The following FHIT variants were observed in gnomAD, a reference collection of about 807,000 sequenced individuals.
The protein encoded by FHIT is fragile histidine triad diadenosine triphosphatase.
A neutral mutation model predicts 17.9 loss-of-function variants in FHIT; 19 were observed. The observed-to-expected ratio is 1.06, with a 90% CI of 0.74 to 1.56. The LOEUF is 1.56. Ranked by LOEUF, FHIT falls within the 40% of genes most tolerant of loss-of-function variation. FHIT has a pLI of 0.00. For synonymous variants in FHIT, 81 were observed against 69.7 expected (o/e 1.16, Z -0.81); for missense variants, 248 against 189.2 (o/e 1.31, Z -1.82).
At chr3:60,228,409 G>C (rs930568199) in intron 5 of FHIT, among the ~76,000 whole-genome samples, 4 of 152,134 alleles carry the variant, frequency 2.6e-5, no homozygotes, top group Non-Finnish European at 5.9e-5. Flanking sequence ...ATGATTGTAT[G>C]ACCTTGGGAA....
intron 5 of FHIT, among the ~76,000 whole-genome samples, chr3:60,512,487 C>T (rs2034988711): frequency 6.6e-6 from 1 of 152,198 alleles, no homozygotes; most frequent in Non-Finnish European, 1.5e-5. Flanking sequence ...CAGCATAGTT[C>T]TCCTTTACAA....
intron 5 of FHIT, among the ~76,000 whole-genome samples, chr3:60,345,151 G>GT (rs1358972722): frequency 1.3e-5 from 2 of 152,080 alleles, no homozygotes; most frequent in Non-Finnish European, 2.9e-5. Flanking sequence ...AAATTACTAA[G>GT]TGTGTACAAC....
chr3:60,269,632 T>C (rs568749274), intron 5 of FHIT, among the ~76,000 whole-genome samples: 1 of 152,222 alleles, frequency 6.6e-6, no homozygotes, highest in Admixed American at 6.5e-5. Flanking sequence ...TTTTATCTAT[T>C]TCTCCATTCA....
chr3:60,197,903 A>G (rs1344713308), intron 5 of FHIT, among the ~76,000 whole-genome samples: 2 of 152,146 alleles, frequency 1.3e-5, no homozygotes, highest in Non-Finnish European at 2.9e-5. Flanking sequence ...CACAAACTTG[A>G]AAGACCACAT....
intron 2 of FHIT, among the ~76,000 whole-genome samples, chr3:61,044,544 G>C (rs1369196896): frequency 3.3e-5 from 5 of 151,998 alleles, no homozygotes; most frequent in African/African-American, 1.2e-4. Context: ...ATGGAACCAA[G>C]TTGGAAAACA....
chr3:60,316,115 A>G (rs1559813304), intron 5 of FHIT, among the ~76,000 whole-genome samples: 1 of 152,220 alleles, frequency 6.6e-6, no homozygotes, highest in Non-Finnish European at 1.5e-5. Context: ...TAGCATTGTA[A>G]TAAATATGCA....
At chr3:60,317,586 CATT>C (rs1205149254) in intron 5 of FHIT, among the ~76,000 whole-genome samples, 1 of 146,362 alleles carries the variant, frequency 6.8e-6, no homozygotes, top group African/African-American at 2.5e-5. Context: ...TTATATATAT[CATT>C]ATATAATCAT....
chr3:60,068,255 A>G (rs1702607201), intron 5 of FHIT, among the ~76,000 whole-genome samples: 1 of 152,094 alleles, frequency 6.6e-6, no homozygotes, highest in South Asian at 2.1e-4. Context: ...AAACAAAACA[A>G]AACAAAAAGC....
chr3:59,972,559 G>A (rs564505191), intron 7 of FHIT, among the ~76,000 whole-genome samples: 12 of 152,108 alleles, frequency 7.9e-5, no homozygotes, highest in East Asian at 5.8e-4. Context: ...TGTCTCACAC[G>A]GGGCCAGTCA....
intron 8 of FHIT, among the ~76,000 whole-genome samples, chr3:59,894,271 A>C (rs1173613844): frequency 2.6e-5 from 4 of 152,208 alleles, no homozygotes; most frequent in Non-Finnish European, 5.9e-5. Flanking sequence ...AAATGATCAT[A>C]GATTCTAAAT....
At chr3:60,965,861 C>A (rs1419532779) in intron 3 of FHIT, among the ~76,000 whole-genome samples, 1 of 152,194 alleles carries the variant, frequency 6.6e-6, no homozygotes, top group Non-Finnish European at 1.5e-5. Context: ...TGGGAGGTAT[C>A]TCCCAGTTAG....
intron 5 of FHIT, among the ~76,000 whole-genome samples, chr3:60,472,116 G>A (rs79940742): frequency 1.3e-5 from 2 of 150,158 alleles, no homozygotes; most frequent in South Asian, 2.1e-4. Context: ...ATATATCCAC[G>A]TAACGTAACT....
chr3:61,212,881 C>A (rs1026125463), intron 1 of FHIT, among the ~76,000 whole-genome samples: 16 of 152,148 alleles, frequency 1.1e-4, no homozygotes, highest in South Asian at 4.1e-4. Context: ...ATTTTCAACC[C>A]AGCATTTCAT....
intron 4 of FHIT, among the ~76,000 whole-genome samples, chr3:60,599,517 C>T (rs2038375127): frequency 6.6e-6 from 1 of 151,956 alleles, no homozygotes; most frequent in Admixed American, 6.6e-5. Flanking sequence ...ACTATTAAGT[C>T]GGAGTCAAAT....
At chr3:61,056,864 C>T (rs755427082) in intron 2 of FHIT, among the ~76,000 whole-genome samples, 1 of 152,150 alleles carries the variant, frequency 6.6e-6, no homozygotes, top group African/African-American at 2.4e-5. Context: ...TTTGTGACTC[C>T]TTTATGTTTG....
chr3:61,031,204 C>T (rs1323303088), intron 3 of FHIT, among the ~76,000 whole-genome samples: 1 of 152,164 alleles, frequency 6.6e-6, no homozygotes, highest in Non-Finnish European at 1.5e-5. Flanking sequence ...ACTTTGTTTA[C>T]AAGTTTTGGT....
rs1394346478 is a variant in FHIT, at chr3:60,702,061, C to A, written c.-18+119858G>T. Reference sequence around the variant, plus strand: ...TATATTTTATACAGACAGGGTTTCGCCATGTTGCCCAGGCTGGTCTCTAAC... The same window carrying A: ...TATATTTTATACAGACAGGGTTTCGACATGTTGCCCAGGCTGGTCTCTAAC... On this transcript the variant is annotated intron_variant, in intron 4 of 9. Transcript: ENST00000492590. Among the ~76,000 whole-genome samples, 4 of 152,282 alleles carry A rather than the reference C, an allele frequency of 2.6e-5. No individual in the cohort carries two copies. The South Asian group carries it at 8.3e-4, about 32-fold the overall frequency.
chr3:61,239,423 C>T, intron 1 of FHIT, among the ~76,000 whole-genome samples: 1 of 152,038 alleles, frequency 6.6e-6, no homozygotes, highest in Non-Finnish European at 1.5e-5. Context: ...CTGCCTGGGA[C>T]CCCATTCTAT....
At chr3:61,174,183 G>A (rs2038090662) in intron 2 of FHIT, among the ~76,000 whole-genome samples, 1 of 152,150 alleles carries the variant, frequency 6.6e-6, no homozygotes, top group Non-Finnish European at 1.5e-5. Context: ...ATATGGCTAT[G>A]CTTTCTATTC....
Sources: gnomAD v4.1 joint callset for allele counts (sites outside exome capture counted in the v4.1 genomes callset) on GRCh38, gnomAD v4.1.1 for gene constraint, MANE v1.5 for transcripts, NCBI Gene and HGNC (gene_info 2026-07-23, HGNC 2026-07-21) for gene names.